Variants in CRAT observed in about 807,000 individuals in gnomAD.
CRAT encodes the protein carnitine acetylase.
A neutral mutation model predicts 73.7 loss-of-function variants in CRAT; 66 were observed. The ratio of observed to expected loss-of-function variants is 0.90; its 90% CI spans 0.73 to 1.10. CRAT has a LOEUF of 1.10. Among genes scored for constraint, CRAT ranks in the 50% least tolerant of loss-of-function variants. The pLI, the probability that CRAT is intolerant of heterozygous loss-of-function variation, is 0.00. For missense variants in CRAT, 745 were observed against 846.9 expected (o/e 0.88, Z 1.49); for synonymous variants, 321 against 343.2 (o/e 0.94, Z 0.71).
In CRAT at chr9:129,098,344, C is replaced by T; in HGVS notation, c.1233G>A (p.Val411=). ...CTTTTCCAAAATGGTGGAACACCAT[C>T]ACGGTGATATCCAGGTCCTGGATCA... ...SIMIQDLDIT[V]MVFHHFGKDF... The change falls in exon 10 of 14, where the codon GTG becomes GTA. Residue 411 remains valine (V), a synonymous_variant. Coordinates refer to ENST00000318080, the MANE Select transcript of CRAT (RefSeq NM_000755.5). The T allele has an allele frequency of 6.2e-7, 1 of 1,613,952 alleles. No homozygotes were observed. Among genetic ancestry groups the T allele is most frequent in the African/African-American group, 1.3e-5 (1 of 75,058 alleles).
intron 7 of CRAT, 72 bp downstream of exon 7, chr9:129,100,439 G>C (rs1312825448): frequency 1.0e-5 from 15 of 1,503,382 alleles, no homozygotes; most frequent in Non-Finnish European, 1.3e-5. Flanking sequence ...GCCGGGGACG[G>C]GCAGGAAGTC....
At position 129,110,437 on chromosome 9, in the gene CRAT, G is replaced by T. The variant is rs1282998903; in HGVS notation, c.27+46C>A. On this transcript the variant is annotated intron_variant, in intron 1 of 13. Transcript: ENST00000318080. The surrounding 1 kb of genome is among the most constrained non-coding windows in gnomAD (Gnocchi z 5.3). ...GTTCCCGGACGCAACCGCACGGCCC[G>T]CCCAGGCCGTCCAGGGCCCTCAGGC... The T allele has an allele frequency of 5.2e-6, 8 of 1,528,284 alleles. No homozygotes were observed. The highest frequency in any genetic ancestry group is 3.6e-5 in the South Asian group (3 of 82,950). The allele number at this position is 1,528,284 out of a possible 1,614,324, so 94.7% of individuals were successfully genotyped here. A position where few individuals can be genotyped will look rare whatever the true frequency, so the allele number is the denominator to read the frequency against.
In CRAT at chr9:129,102,287, G is replaced by GGGGCACGT. The variant is rs888953409; in HGVS notation, c.630+105_630+112dup. 6.9e-6 allele frequency: 10 copies of GGGGCACGT among 1,448,772 alleles called. No individual in the cohort carries two copies. The Admixed American group carries it at 1.3e-4, about 19-fold the overall frequency. The allele number at this position is 1,448,772 out of a possible 1,614,324, so 89.7% of individuals were successfully genotyped here. A position where few individuals can be genotyped will look rare whatever the true frequency, so the allele number is the denominator to read the frequency against. ...GGAGAAGCCAGGGGCGCCCATTCCT[G>GGGGCACGT]GGGCACGTGGGCACGTGTGCTGGGG... On this transcript the variant is annotated intron_variant, in intron 5 of 13. Transcript: ENST00000318080.
intron 2 of CRAT, among the ~76,000 whole-genome samples, chr9:129,104,903 CTTT>C (rs36193924): frequency 4.8e-5 from 5 of 103,474 alleles, no homozygotes; most frequent in Admixed American, 1.1e-4. Flanking sequence ...TGTGCCCGGT[CTTT>C]TTTTTTTTTT....
intron 1 of CRAT, chr9:129,109,240 C>T (rs1564172920): frequency 1.5e-6 from 2 of 1,304,188 alleles, no homozygotes; most frequent in Admixed American, 2.3e-5. Context: ...CAGAGACTGC[C>T]TGGCCGCTGA....
In CRAT at chr9:129,107,985, C is replaced by T. The variant is rs1848125041; in HGVS notation, c.120G>A (p.Val40=). 8 of 1,599,612 alleles carry T rather than the reference C, an allele frequency of 5.0e-6. No individual in the cohort carries two copies. Among genetic ancestry groups the T allele is most frequent in the Non-Finnish European group, 6.8e-6 (8 of 1,174,834 alleles). The part of the protein sequence containing the change: ...AHQDALPRLP[V]PPLQQSLDHY... ...GGTCCAGGGACTGCTGGAGAGGGGG[C>T]ACGGGCAGCCGTGGCAGTGCATCCT... The change falls in exon 2 of 14, where the codon GTG becomes GTA. Residue 40 remains valine (V), a synonymous_variant. Transcript: ENST00000318080. The surrounding 1 kb of genome is among the most constrained non-coding windows in gnomAD (Gnocchi z 5.0).
chr9:129,098,081 CGGT>C lies in CRAT; in HGVS notation c.1393_1395del (p.Thr465del). 2 of 1,614,018 alleles carry C rather than the reference CGGT, an allele frequency of 1.2e-6. No individual in the cohort carries two copies. The highest frequency in any genetic ancestry group is 1.7e-6 in the Non-Finnish European group (2 of 1,180,036). On this transcript the variant is annotated inframe_deletion, in exon 11 of 14. Transcript: ENST00000318080. Reference sequence around the variant, plus strand: ...TCCATGGAAGCCGAGCGGATGGTGTCGGTGCGGCCCAGGTGAAACATGCGCAGG... The same window carrying C: ...TCCATGGAAGCCGAGCGGATGGTGTCGCGGCCCAGGTGAAACATGCGCAGG...
At chr9:129,102,101 C>A in intron 5 of CRAT, 44 bp from the exon 6 acceptor site, 1 of 1,592,318 alleles carries the variant, frequency 6.3e-7, no homozygotes. Flanking sequence ...TGAGTGGGGA[C>A]CTCAGGCTGA....
At position 129,110,617 on chromosome 9, in the gene CRAT, G is replaced by A; in HGVS notation, c.-108C>T. The A allele has an allele frequency of 3.1e-6, 4 of 1,278,660 alleles. No homozygotes were observed. Among genetic ancestry groups the A allele is most frequent in the Non-Finnish European group, 4.1e-6 (4 of 973,538 alleles). 79.2% of individuals were successfully genotyped at this position (1,278,660 alleles called of 1,614,324 possible). On this transcript the variant is annotated 5_prime_UTR_variant, in exon 1 of 14. Coordinates refer to ENST00000318080, the MANE Select transcript of CRAT (RefSeq NM_000755.5). This position sits in a 1 kb window ranked among gnomAD's most constrained non-coding sequence, Gnocchi z 5.3. ...TCGGTGGGTCCTTGCTAGAGCCTTC[G>A]GGCCAAGGTCGCTGAGTTACAGCCG... is the stretch of plus-strand genomic sequence containing the variant.
chr9:129,108,305 G>A, intron 1 of CRAT: 1 of 1,124,430 alleles, frequency 8.9e-7, no homozygotes. Context: ...ATGGTTCTTA[G>A]CAAGGCTCAG....
chr9:129,104,082 C>CT lies in CRAT; in HGVS notation c.410+105dup, dbSNP rs911477732. 4.3e-6 allele frequency: 3 copies of CT among 696,020 alleles called. No individual in the cohort carries two copies. In the African/African-American group the frequency reaches 5.5e-5, roughly 13 times the overall value. The allele number at this position is 696,020 out of a possible 1,614,324, so 43.1% of individuals were successfully genotyped here. ...GGATGCTCCCTACTTCATAAGGCTG[C>CT]TTGTGGGGCAGAAAGATAAACAGGG... On this transcript the variant is annotated intron_variant, in intron 3 of 13. Coordinates refer to ENST00000318080, the MANE Select transcript of CRAT (RefSeq NM_000755.5).
Position 129,098,597 on chromosome 9 carries a change from T to A in CRAT, c.1139A>T (p.Lys380Met), listed in dbSNP as rs1588444405. 2 of 1,598,556 alleles carry A rather than the reference T, an allele frequency of 1.3e-6. No homozygotes were observed. The highest frequency in any genetic ancestry group is 4.5e-5 in the East Asian group (2 of 44,724). The change falls in exon 9 of 14, where the codon AAG (lysine) becomes ATG (methionine). Residue 380 changes from lysine to methionine, a missense_variant. Coordinates refer to ENST00000318080, the MANE Select transcript of CRAT (RefSeq NM_000755.5). ...CTCGGGGGTGATGTTGAACCGCAGCTTCTTGGGCATGGGCAGGGGCACCAG... is the reference window on the plus strand; with the variant it reads ...CTCGGGGGTGATGTTGAACCGCAGCATCTTGGGCATGGGCAGGGGCACCAG... Reference protein sequence around the residue: ...SPLVPLPMPKKLRFNITPEIK... With the variant: ...SPLVPLPMPKMLRFNITPEIK...
intron 12 of CRAT, 54 bp downstream of exon 12, chr9:129,097,196 G>A: frequency 6.9e-7 from 1 of 1,455,204 alleles, no homozygotes; most frequent in Non-Finnish European, 9.3e-7. Flanking sequence ...CAGAGGGACA[G>A]ACAGATGGCT....
intron 2 of CRAT, among the ~76,000 whole-genome samples, chr9:129,105,096 G>A (rs1264205174): frequency 7.4e-5 from 11 of 149,392 alleles, no homozygotes; most frequent in South Asian, 4.2e-4. Flanking sequence ...TAGTAGAGAC[G>A]GGGTTTCACC....
chr9:129,108,842 AAGC>A, intron 1 of CRAT: 1 of 1,304,124 alleles, frequency 7.7e-7, no homozygotes, highest in Non-Finnish European at 1.0e-6. Flanking sequence ...CTGGATCTCT[AAGC>A]CTAACTGTGC....
At position 129,110,640 on chromosome 9, in the gene CRAT, C is replaced by G; in HGVS notation, c.-131G>C. On this transcript the variant is annotated 5_prime_UTR_variant, in exon 1 of 14. Transcript: ENST00000318080. The surrounding 1 kb of genome is among the most constrained non-coding windows in gnomAD (Gnocchi z 5.3). The stretch of plus-strand genomic sequence containing the variant: ...TCGGGCCAAGGTCGCTGAGTTACAG[C>G]CGCCAGCCGGTAGAGGCAGCCCCGC... The G allele has an allele frequency of 8.7e-7, 1 of 1,144,336 alleles. No homozygotes were observed. Among genetic ancestry groups the G allele is most frequent in the South Asian group, 1.8e-5 (1 of 54,538 alleles). The allele number at this position is 1,144,336 out of a possible 1,614,324, so 70.9% of individuals were successfully genotyped here.
intron 2 of CRAT, among the ~76,000 whole-genome samples, chr9:129,105,981 C>A (rs1386134642): frequency 1.3e-5 from 2 of 152,172 alleles, no homozygotes; most frequent in Non-Finnish European, 2.9e-5. Flanking sequence ...ACCCTTCCTG[C>A]ACACAGCCAG....
Position 129,103,589 on chromosome 9 carries a change from C to A in CRAT, c.411-523G>T, listed in dbSNP as rs1564166236. Among the ~76,000 whole-genome samples the A allele has an allele frequency of 6.6e-6, 1 of 152,150 alleles. No individual in the cohort carries two copies. The highest frequency in any genetic ancestry group is 1.5e-5 in the Non-Finnish European group (1 of 68,006). ...CCCAGGGCTGTCTGGCCCATGGCAA[C>A]CACCCTCAATGCTTGGGGCCGCCCC... On this transcript the variant is annotated intron_variant, in intron 3 of 13. Transcript: ENST00000318080. This position sits in a 1 kb window ranked among gnomAD's most constrained non-coding sequence, Gnocchi z 4.6.
At chr9:129,108,994 G>A in intron 1 of CRAT, 13 of 1,227,878 alleles carry the variant, frequency 1.1e-5, no homozygotes, top group South Asian at 1.4e-5. Flanking sequence ...GCAGTGGCAG[G>A]GGAAGCTCCT....
Sources: gnomAD v4.1 joint callset for allele counts (sites outside exome capture counted in the v4.1 genomes callset) on GRCh38, gnomAD v4.1.1 for gene constraint, Gnocchi (gnomAD v3.1) non-coding constraint, MANE v1.5 for transcripts, NCBI Gene and HGNC (gene_info 2026-07-23, HGNC 2026-07-21) for gene names.